The following SLCO1B1 variants were observed in gnomAD, a reference collection of about 807,000 sequenced individuals.
SLCO1B1 encodes the protein solute carrier organic anion transporter family member 1B1, also known as OATP-2.
Under a neutral mutation model 70.1 loss-of-function variants are expected in SLCO1B1, and 81 were observed. The ratio of observed to expected loss-of-function variants is 1.16; its 90% confidence interval spans 0.97 to 1.39. The LOEUF (loss-of-function observed/expected upper bound fraction) is 1.39. SLCO1B1 is among the 40% of genes most tolerant of loss of function. The pLI is 0.00. For synonymous variants in SLCO1B1, 283 were observed against 271.5 expected (o/e 1.04, Z -0.42); for missense variants, 895 against 799.6 (o/e 1.12, Z -1.44).
intron 12 of SLCO1B1, among the ~76,000 whole-genome samples, chr12:21,220,956 A>G (rs972899981): frequency 6.6e-6 from 1 of 152,164 alleles, no homozygotes; most frequent in African/African-American, 2.4e-5. Context: ...TTTTTATTCT[A>G]GGGATGAAGG....
intron 12 of SLCO1B1, among the ~76,000 whole-genome samples, chr12:21,221,024 A>G (rs562005874): frequency 6.6e-6 from 1 of 152,252 alleles, no homozygotes; most frequent in Admixed American, 6.5e-5. Flanking sequence ...TAAACTAAAA[A>G]CCAAAACCAT....
At chr12:21,182,387 C>T (rs1940912579) in intron 7 of SLCO1B1, among the ~76,000 whole-genome samples, 1 of 152,160 alleles carries the variant, frequency 6.6e-6, no homozygotes, top group African/African-American at 2.4e-5. Context: ...TGTTGGGTAG[C>T]TGCAGCAGAA....
At position 21,202,467 on chromosome 12, in the gene SLCO1B1, C is replaced by T. The variant is rs753997266; in HGVS notation, c.1136-24C>T. ...ATATCAGAAAACTCATATATGATTA[C>T]AACTTTTTTTCTTTTTTTTCTAGGA... On this transcript the variant is annotated intron_variant, in intron 9 of 14. Transcript: ENST00000256958. The T allele has an allele frequency of 5.4e-6, 8 of 1,491,242 alleles. No individual in the cohort carries two copies. The Admixed American group carries it at 1.5e-4, about 28-fold the overall frequency. The allele number at this position is 1,491,242 out of a possible 1,614,324, so 92.4% of individuals were successfully genotyped here.
chr12:21,134,426 A>G lies in SLCO1B1; in HGVS notation c.-62+3190A>G, dbSNP rs151119404. ...AGTATTGGTACCAGTTCCTCCTTGT[A>G]CCTCTGGTAGAATTCGGCTGTGAAT... On this transcript the variant is annotated intron_variant, in intron 1 of 14. Coordinates refer to ENST00000256958, the MANE Select transcript of SLCO1B1 (RefSeq NM_006446.5). 1.0e-3 allele frequency among the ~76,000 whole-genome samples: 152 copies of G among 152,094 alleles called. 1 individual carries two copies. The East Asian group carries it at 0.021, about 21-fold the overall frequency.
chr12:21,219,347 G>T (rs903331094), intron 12 of SLCO1B1, among the ~76,000 whole-genome samples: 2 of 152,176 alleles, frequency 1.3e-5, no homozygotes, highest in East Asian at 3.8e-4. Flanking sequence ...AACAATCCAG[G>T]CAAGGTAGAA....
At chr12:21,153,019 C>T (rs541009425) in intron 2 of SLCO1B1, among the ~76,000 whole-genome samples, 2 of 152,258 alleles carry the variant, frequency 1.3e-5, no homozygotes, top group South Asian at 4.2e-4. Context: ...GGTATTTCTA[C>T]CTTGTCACTG....
At chr12:21,142,441 G>T (rs1012479498) in intron 2 of SLCO1B1, among the ~76,000 whole-genome samples, 1 of 151,866 alleles carries the variant, frequency 6.6e-6, no homozygotes, top group Non-Finnish European at 1.5e-5. Context: ...ATCCCCATAT[G>T]GAAGTCTTGA....
chr12:21,194,542 C>T (rs1271140425), intron 7 of SLCO1B1, among the ~76,000 whole-genome samples: 1 of 152,050 alleles, frequency 6.6e-6, no homozygotes, highest in Non-Finnish European at 1.5e-5. Context: ...ACTTCATTGT[C>T]CATGTCACGA....
intron 11 of SLCO1B1, among the ~76,000 whole-genome samples, chr12:21,214,157 G>C (rs1412560655): frequency 6.6e-6 from 1 of 152,130 alleles, no homozygotes; most frequent in African/African-American, 2.4e-5. Context: ...ATAGTTTCCA[G>C]TTTTTCTGTT....
intron 14 of SLCO1B1, among the ~76,000 whole-genome samples, chr12:21,235,514 T>C (rs1941588850): frequency 6.6e-6 from 1 of 151,158 alleles, no homozygotes; most frequent in South Asian, 2.1e-4. Context: ...ACTCTATGTC[T>C]TTTATATGAA....
intron 2 of SLCO1B1, among the ~76,000 whole-genome samples, chr12:21,162,435 A>T (rs1393775847): frequency 1.3e-5 from 2 of 152,152 alleles, no homozygotes; most frequent in African/African-American, 4.8e-5. Context: ...TGCTCTAGAA[A>T]ATTTCCATTC....
intron 7 of SLCO1B1, among the ~76,000 whole-genome samples, chr12:21,182,594 C>G (rs1351518926): frequency 6.6e-6 from 1 of 152,158 alleles, no homozygotes; most frequent in Non-Finnish European, 1.5e-5. Context: ...GTGCACAGCA[C>G]AGCCTCCACT....
At chr12:21,156,912 T>G (rs1940551307) in intron 2 of SLCO1B1, among the ~76,000 whole-genome samples, 1 of 152,180 alleles carries the variant, frequency 6.6e-6, no homozygotes, top group South Asian at 2.1e-4. Context: ...TGAATTTAAG[T>G]TTCAGAAATA....
chr12:21,156,029 A>G (rs926956307), intron 2 of SLCO1B1, among the ~76,000 whole-genome samples: 2 of 152,190 alleles, frequency 1.3e-5, no homozygotes, highest in African/African-American at 2.4e-5. Flanking sequence ...ACTGTATTGA[A>G]GGCAACAAAA....
At chr12:21,222,555 A>G (rs1353912147) in intron 13 of SLCO1B1, among the ~76,000 whole-genome samples, 191 bp downstream of exon 13, 2 of 151,182 alleles carry the variant, frequency 1.3e-5, no homozygotes, top group Non-Finnish European at 2.9e-5. Flanking sequence ...ATAAATAAAA[A>G]CAATAAGAGA....
chr12:21,164,489 C>T (rs554383892), intron 2 of SLCO1B1, among the ~76,000 whole-genome samples: 1 of 152,078 alleles, frequency 6.6e-6, no homozygotes, highest in East Asian at 1.9e-4. Flanking sequence ...TTTTTATTTT[C>T]TGAAGTCAGC....
At chr12:21,145,482 T>TCA (rs1394396707) in intron 2 of SLCO1B1, among the ~76,000 whole-genome samples, 173 of 139,414 alleles carry the variant, frequency 1.2e-3, no homozygotes, top group African/African-American at 4.3e-3. Flanking sequence ...CATTTTTTTT[T>TCA]TTTTTTTTTT....
chr12:21,137,141 G>A (rs960755318), intron 1 of SLCO1B1, among the ~76,000 whole-genome samples: 3 of 152,140 alleles, frequency 2.0e-5, no homozygotes, highest in African/African-American at 4.8e-5. Flanking sequence ...GGCTGTAGAA[G>A]AGCGGATATT....
chr12:21,165,979 A>G (rs1940679791), intron 2 of SLCO1B1, among the ~76,000 whole-genome samples: 1 of 152,102 alleles, frequency 6.6e-6, no homozygotes, highest in African/African-American at 2.4e-5. Context: ...AGATAAGACA[A>G]TTGAAATGAT....
Sources: gnomAD v4.1 joint callset for allele counts (sites outside exome capture counted in the v4.1 genomes callset) on GRCh38, gnomAD v4.1.1 for gene constraint, MANE v1.5 for transcripts, NCBI Gene and HGNC (gene_info 2026-07-23, HGNC 2026-07-21) for gene names.